The following DNAJC1 variants were observed in gnomAD, a reference collection of about 807,000 sequenced individuals.
DNAJC1 encodes the protein dnaJ homolog subfamily C member 1.
DNAJC1 carries 58 observed loss-of-function variants against 76.6 expected under a neutral mutation model. That is an observed-to-expected ratio of 0.76 (90% CI 0.61 to 0.94). The LOEUF (loss-of-function observed/expected upper bound fraction) is 0.94. Among genes scored for constraint, DNAJC1 ranks in the 40% least tolerant of loss-of-function variants. The pLI, the probability that DNAJC1 is intolerant of heterozygous loss-of-function variation, is 0.00. For missense variants in DNAJC1, 689 were observed against 677.3 expected (o/e 1.02, Z -0.19); for synonymous variants, 258 against 267.9 (o/e 0.96, Z 0.36).
chr10:21,958,817 A>G (rs957066580), intron 1 of DNAJC1, among the ~76,000 whole-genome samples: 8 of 152,082 alleles, frequency 5.3e-5, no homozygotes, highest in Admixed American at 6.6e-5. Flanking sequence ...AAAAAAAATC[A>G]CTATTTTTTT....
chr10:21,762,933 T>C (rs895229890), intron 10 of DNAJC1, among the ~76,000 whole-genome samples: 12 of 152,184 alleles, frequency 7.9e-5, no homozygotes, highest in African/African-American at 2.7e-4. Flanking sequence ...ACATCGACTT[T>C]GTTTTTTTTG....
intron 8 of DNAJC1, among the ~76,000 whole-genome samples, chr10:21,877,109 A>G (rs1836199474): frequency 6.6e-6 from 1 of 151,980 alleles, no homozygotes; most frequent in Non-Finnish European, 1.5e-5. Context: ...CCCAAACTCT[A>G]GAAAACATTT....
Position 21,999,876 on chromosome 10 carries a change from C to G in DNAJC1, c.222+3337G>C, listed in dbSNP as rs145304996. Among the ~76,000 whole-genome samples the G allele has an allele frequency of 3.9e-5, 6 of 152,278 alleles. No homozygotes were observed. The East Asian group carries it at 1.2e-3, about 29-fold the overall frequency. On this transcript the variant is annotated intron_variant, in intron 1 of 11. Transcript: ENST00000376980. ...GTGGCTTCAAGTTACTCTCTAAGTG[C>G]CTCGGACTCCCAAATTCCTATCTAC...
At chr10:21,891,332 G>A (rs949661679) in intron 7 of DNAJC1, among the ~76,000 whole-genome samples, 1 of 151,716 alleles carries the variant, frequency 6.6e-6, no homozygotes, top group African/African-American at 2.4e-5. Context: ...GAACCAAATG[G>A]AAATGTCAGA....
Position 22,002,151 on chromosome 10 carries a change from A to G in DNAJC1, c.222+1062T>C, listed in dbSNP as rs187634623. ...AGTTCACCCACATTTATGATAACCT[A>G]TGGGGGAAGGGGATGTGCATTTCAT... On this transcript the variant is annotated intron_variant, in intron 1 of 11. Coordinates refer to ENST00000376980, the MANE Select transcript of DNAJC1 (RefSeq NM_022365.4). Among the ~76,000 whole-genome samples, 6 of 152,346 alleles carry G rather than the reference A, an allele frequency of 3.9e-5. No individual in the cohort carries two copies. In the East Asian group the frequency reaches 1.2e-3, roughly 29 times the overall value.
chr10:21,912,577 A>G (rs916779944), intron 6 of DNAJC1, among the ~76,000 whole-genome samples: 3 of 151,884 alleles, frequency 2.0e-5, no homozygotes, highest in Non-Finnish European at 2.9e-5. Context: ...TTCTCCATCT[A>G]TTTTCATTTG....
intron 1 of DNAJC1, among the ~76,000 whole-genome samples, chr10:21,944,303 A>G (rs929755847): frequency 6.6e-6 from 1 of 152,194 alleles, no homozygotes; most frequent in Non-Finnish European, 1.5e-5. Flanking sequence ...TTTTCTTTAC[A>G]TCTCTGAAAT....
intron 4 of DNAJC1, among the ~76,000 whole-genome samples, chr10:21,920,157 T>C (rs919833389): frequency 7.9e-5 from 12 of 152,040 alleles, no homozygotes; most frequent in African/African-American, 2.2e-4. Flanking sequence ...TGCATCTCCA[T>C]AGCAATCAAA....
At chr10:21,963,036 G>C (rs537709478) in intron 1 of DNAJC1, among the ~76,000 whole-genome samples, 1 of 152,246 alleles carries the variant, frequency 6.6e-6, no homozygotes, top group African/African-American at 2.4e-5. Context: ...ATTCAGTTTT[G>C]TTCAAGTGAC....
intron 6 of DNAJC1, 105 bp from the exon 7 acceptor site, chr10:21,904,717 GCTTT>G (rs1332523074): frequency 4.3e-5 from 25 of 584,886 alleles, no homozygotes; most frequent in Middle Eastern, 3.3e-4. Flanking sequence ...TTATAAGTAG[GCTTT>G]CTTTTTGTTT....
At chr10:21,985,804 T>G (rs1020546100) in intron 1 of DNAJC1, among the ~76,000 whole-genome samples, 3 of 152,242 alleles carry the variant, frequency 2.0e-5, no homozygotes, top group African/African-American at 7.2e-5. Context: ...AATTTTTGGC[T>G]AACATTATGA....
intron 11 of DNAJC1, among the ~76,000 whole-genome samples, chr10:21,758,851 C>A (rs895786479): frequency 2.0e-5 from 3 of 152,194 alleles, no homozygotes; most frequent in African/African-American, 7.2e-5. Flanking sequence ...GGCTGAGCCT[C>A]CCATGTGCCC....
At chr10:21,943,121 G>T (rs1242229422) in intron 1 of DNAJC1, among the ~76,000 whole-genome samples, 1 of 151,654 alleles carries the variant, frequency 6.6e-6, no homozygotes, top group Non-Finnish European at 1.5e-5. Flanking sequence ...CAAAATCTAT[G>T]AGAAATGAAA....
intron 1 of DNAJC1, among the ~76,000 whole-genome samples, chr10:21,938,740 A>G (rs1421098000): frequency 6.6e-6 from 1 of 152,332 alleles, no homozygotes; most frequent in East Asian, 1.9e-4. Flanking sequence ...AACTCATTCT[A>G]TTTATACAGT....
In DNAJC1 at chr10:21,928,658, T is replaced by C. The variant is rs1217770246; in HGVS notation, c.325-106A>G. 5 of 832,456 alleles carry C rather than the reference T, an allele frequency of 6.0e-6. No individual in the cohort carries two copies. In the African/African-American group the frequency reaches 6.8e-5, roughly 11 times the overall value. 51.6% of individuals were successfully genotyped at this position (832,456 alleles called of 1,614,324 possible). ...ACATGCAGAAAATCCTATGTGCCTA[T>C]ATATACAATAAACAGATGAAATCTC... On this transcript the variant is annotated intron_variant, in intron 2 of 11. Transcript: ENST00000376980.
At chr10:21,951,738 A>G (rs1422908160) in intron 1 of DNAJC1, among the ~76,000 whole-genome samples, 3 of 152,244 alleles carry the variant, frequency 2.0e-5, no homozygotes, top group Admixed American at 6.5e-5. Context: ...TTGTAGTGGC[A>G]TAATAGTTCC....
At chr10:21,971,482 G>T (rs1402793741) in intron 1 of DNAJC1, among the ~76,000 whole-genome samples, 1 of 151,608 alleles carries the variant, frequency 6.6e-6, no homozygotes, top group Non-Finnish European at 1.5e-5. Context: ...AAAAGCAACT[G>T]AAAACAGAAT....
At chr10:21,944,170 GTTT>G (rs11411342) in intron 1 of DNAJC1, among the ~76,000 whole-genome samples, 3 of 148,972 alleles carry the variant, frequency 2.0e-5, no homozygotes, top group African/African-American at 4.9e-5. Context: ...TCACATAAAG[GTTT>G]TTTTTTTTTC....
At chr10:21,987,057 C>A (rs968695915) in intron 1 of DNAJC1, among the ~76,000 whole-genome samples, 1 of 152,190 alleles carries the variant, frequency 6.6e-6, no homozygotes, top group African/African-American at 2.4e-5. Context: ...TGAGCCACCA[C>A]GCCCAGCCCA....
Sources: gnomAD v4.1 joint callset for allele counts (sites outside exome capture counted in the v4.1 genomes callset) on GRCh38, gnomAD v4.1.1 for gene constraint, MANE v1.5 for transcripts, NCBI Gene and HGNC (gene_info 2026-07-23, HGNC 2026-07-21) for gene names.